Variants in MRPL20 observed in about 807,000 individuals in gnomAD.
MRPL20 encodes the protein mitochondrial ribosomal protein L20, also known as large ribosomal subunit protein bL20m.
MRPL20 carries 21 observed loss-of-function variants against 20.0 expected under a neutral mutation model. The observed-to-expected ratio is 1.05, with a 90% CI of 0.74 to 1.51. The LOEUF (loss-of-function observed/expected upper bound fraction) is 1.51, where lower values mean the gene tolerates loss of function less well. Ranked by LOEUF, MRPL20 falls within the 40% of genes most tolerant of loss-of-function variation. MRPL20 has a pLI of 0.00. For synonymous variants in MRPL20, 104 were observed against 73.0 expected (o/e 1.43, Z -2.17); for missense variants, 252 against 185.6 (o/e 1.36, Z -2.08).
At chr1:1,405,329 A>C (rs969491458) in intron 3 of MRPL20, 9 of 387,190 alleles carry the variant, frequency 2.3e-5, no homozygotes, top group East Asian at 1.5e-4. Context: ...GCTAGAGTGC[A>C]GTGGTACCAT....
Position 1,402,243 on chromosome 1 carries a change from A to C in MRPL20, c.290T>G (p.Leu97Arg). The change falls in exon 4 of 4, where the codon CTC becomes CGC. Residue 97 changes from leucine (L) to arginine (R), a missense_variant. Leu to Arg is a moderately radical substitution (Grantham distance 102). Coordinates refer to ENST00000344843, the MANE Select transcript of MRPL20 (RefSeq NM_017971.4). ...CAGATCCGCTAGGACTTTCCTGTTG[A>C]GCTCCACCTGGCACTGAAAAAAGAA... Reference protein sequence around the residue: ...IGNLVKCQVELNRKVLADLAI... With the variant: ...IGNLVKCQVERNRKVLADLAI... 1 of 1,611,780 alleles carries C rather than the reference A, an allele frequency of 6.2e-7. No homozygotes were observed. The highest frequency in any genetic ancestry group is 8.5e-7 in the Non-Finnish European group (1 of 1,178,946).
chr1:1,406,777 C>T, intron 2 of MRPL20, 132 bp downstream of exon 2: 1 of 777,792 alleles, frequency 1.3e-6, no homozygotes, highest in Non-Finnish European at 2.2e-6. Flanking sequence ...CATAATTTGT[C>T]GGAGTTTCGA....
chr1:1,404,689 A>G (rs1224002102), intron 3 of MRPL20, among the ~76,000 whole-genome samples: 1 of 148,772 alleles, frequency 6.7e-6, no homozygotes, highest in East Asian at 2.0e-4. Flanking sequence ...TTTAGTAGAG[A>G]CCGGGTTTCA....
intron 3 of MRPL20, 54 bp from the exon 4 acceptor site, chr1:1,402,310 T>C (rs1645338766): frequency 4.5e-6 from 7 of 1,543,450 alleles, no homozygotes; most frequent in Non-Finnish European, 5.2e-6. Context: ...ACACTCCGGC[T>C]CCGCGTGGTT....
chr1:1,404,878 C>A (rs559395481), intron 3 of MRPL20, among the ~76,000 whole-genome samples: 26 of 152,286 alleles, frequency 1.7e-4, no homozygotes, highest in Middle Eastern at 3.4e-3. Flanking sequence ...AGCTCCCAGA[C>A]CTGCCAGAAC....
At chr1:1,406,235 C>A in intron 2 of MRPL20, 1 of 226,794 alleles carries the variant, frequency 4.4e-6, no homozygotes, top group African/African-American at 2.3e-5. Context: ...CCTGCAGTCA[C>A]AGTTACTCGG....
At position 1,402,378 on chromosome 1, in the gene MRPL20, A is replaced by C. The variant is rs541442251; in HGVS notation, c.277-122T>G. On this transcript the variant is annotated intron_variant, in intron 3 of 3. Coordinates refer to ENST00000344843, the MANE Select transcript of MRPL20 (RefSeq NM_017971.4). Reference sequence around the variant, plus strand: ...ACTCGCCTGGGGGGAGGGAAGGCCTAGGAGAATCCTATCTGGGTGGCACAG... The same window carrying C: ...ACTCGCCTGGGGGGAGGGAAGGCCTCGGAGAATCCTATCTGGGTGGCACAG... 2.6e-5 allele frequency: 37 copies of C among 1,426,328 alleles called. 1 individual carries two copies. In the African/African-American group the frequency reaches 5.0e-4, roughly 19 times the overall value. The allele number at this position is 1,426,328 out of a possible 1,614,324, so 88.4% of individuals were successfully genotyped here.
At chr1:1,405,754 T>C (rs762033738) in intron 3 of MRPL20, 55 bp downstream of exon 3, 5 of 1,614,088 alleles carry the variant, frequency 3.1e-6, no homozygotes, top group Non-Finnish European at 3.4e-6. Flanking sequence ...ACGCCCCGCA[T>C]GATGGTTTCT....
intron 2 of MRPL20, 116 bp from the exon 3 acceptor site, chr1:1,406,002 C>G (rs576521538): frequency 2.8e-6 from 4 of 1,407,966 alleles, no homozygotes; most frequent in Non-Finnish European, 2.9e-6. Flanking sequence ...AATCAGTGAG[C>G]TATGATGGTG....
intron 2 of MRPL20, 144 bp from the exon 3 acceptor site, chr1:1,406,030 G>T: frequency 8.4e-7 from 1 of 1,195,020 alleles, no homozygotes; most frequent in Non-Finnish European, 1.1e-6. Context: ...TCTGGCCTAA[G>T]CGAAATCAAG....
chr1:1,404,383 T>C (rs571261729), intron 3 of MRPL20, among the ~76,000 whole-genome samples: 1 of 151,978 alleles, frequency 6.6e-6, no homozygotes, highest in African/African-American at 2.4e-5. Flanking sequence ...CTCGATCTCC[T>C]GACCTTGTGA....
intron 3 of MRPL20, 163 bp downstream of exon 3, chr1:1,405,646 A>G: frequency 1.6e-6 from 2 of 1,240,864 alleles, no homozygotes; most frequent in East Asian, 4.7e-5. Context: ...CTTAACATGG[A>G]CACCCCATCA....
In MRPL20 at chr1:1,406,975, T is replaced by G; in HGVS notation, c.132A>C (p.Arg44Ser). ...ATTTCACAAAGGCTCGAATCACGGT[T>G]CTGACCGCCAACCTGTAGCAGCGAT... ...RKNRCYRLAV[R>S]TVIRAFVKCT... The change falls in exon 2 of 4, where the codon AGA becomes AGC. Residue 44 changes from arginine to serine, a missense_variant. Arg to Ser is a moderately radical substitution (Grantham distance 110). Transcript: ENST00000344843. 6.2e-7 allele frequency: 1 copy of G among 1,613,844 alleles called. No individual in the cohort carries two copies.
chr1:1,404,076 T>C (rs1645360161), intron 3 of MRPL20, among the ~76,000 whole-genome samples: 1 of 151,676 alleles, frequency 6.6e-6, no homozygotes, highest in Non-Finnish European at 1.5e-5. Context: ...TGATGTCAGG[T>C]GATCAGCCCG....
intron 2 of MRPL20, chr1:1,406,699 C>G (rs2100399802): frequency 1.8e-6 from 1 of 564,480 alleles, no homozygotes; most frequent in East Asian, 2.9e-5. Context: ...GGGGCTGGAG[C>G]AGGGGGTGAC....
chr1:1,404,824 C>T (rs1456817899), intron 3 of MRPL20, among the ~76,000 whole-genome samples: 3 of 152,118 alleles, frequency 2.0e-5, no homozygotes, highest in East Asian at 1.9e-4. Flanking sequence ...CCCAGAAAGA[C>T]GTGCCCTGTT....
In MRPL20 at chr1:1,402,021, G is replaced by C. The variant is rs576512910; in HGVS notation, c.*62C>G. ...GTTATTGGGTTGTAGATAAACAAAA[G>C]TATAAATCAAACAAACTGCAAATTA... On this transcript the variant is annotated 3_prime_UTR_variant, in exon 4 of 4. Coordinates refer to ENST00000344843, the MANE Select transcript of MRPL20 (RefSeq NM_017971.4). 1.9e-6 allele frequency: 3 copies of C among 1,546,666 alleles called. No individual in the cohort carries two copies. In the East Asian group the frequency reaches 6.8e-5, roughly 35 times the overall value.
intron 2 of MRPL20, 103 bp downstream of exon 2, chr1:1,406,806 G>A (rs1029668884): frequency 3.1e-6 from 3 of 965,624 alleles, no homozygotes; most frequent in African/African-American, 1.6e-5. Flanking sequence ...ATGAAAGGAA[G>A]GGGCTGAGGG....
chr1:1,402,325 C>A, intron 3 of MRPL20, 69 bp from the exon 4 acceptor site: 3 of 1,517,818 alleles, frequency 2.0e-6, no homozygotes, highest in Non-Finnish European at 2.6e-6. Context: ...GTGGTTGCGG[C>A]GCTGGCTCAG....
Sources: allele counts gnomAD v4.1 joint callset (sites outside exome capture counted in the v4.1 genomes callset), GRCh38; gene constraint gnomAD v4.1.1; transcripts MANE v1.5; gene names NCBI Gene and HGNC (gene_info 2026-07-23, HGNC 2026-07-21).